Variants in ENPP2 observed in about 807,000 individuals in gnomAD.
ENPP2 encodes autotaxin.
ENPP2 carries 51 observed loss-of-function variants against 120.2 expected under a neutral mutation model. That is an observed-to-expected ratio of 0.42 (90% CI 0.34 to 0.54). The LOEUF is 0.54. Ranked by LOEUF, ENPP2 falls within the 20% of genes least tolerant of loss-of-function variation. The pLI, the probability that ENPP2 is intolerant of heterozygous loss-of-function variation, is 0.04. For missense variants in ENPP2, 920 were observed against 1,066.5 expected, an observed-to-expected ratio of 0.86 and a Z score of 1.91; for synonymous variants, 365 against 366.4, an observed-to-expected ratio of 1.00 and a Z score of 0.04.
intron 1 of ENPP2, among the ~76,000 whole-genome samples, chr8:119,653,084 A>G (rs1817670428): frequency 6.6e-6 from 1 of 152,154 alleles, no homozygotes; most frequent in South Asian, 2.1e-4. Flanking sequence ...CAGGAGGGGA[A>G]TGTTTCAGCT....
chr8:119,584,160 C>G, intron 15 of ENPP2, 111 bp from the exon 16 acceptor site: 1 of 704,910 alleles, frequency 1.4e-6, no homozygotes, highest in Non-Finnish European at 2.5e-6. Context: ...GAAAGTTTGC[C>G]TCTATTTTAA....
chr8:119,608,708 T>C (rs528740489), intron 8 of ENPP2, among the ~76,000 whole-genome samples: 1 of 152,312 alleles, frequency 6.6e-6, no homozygotes, highest in African/African-American at 2.4e-5. Flanking sequence ...ATGTAGTCCT[T>C]TGGCAAGTTA....
chr8:119,646,589 C>A (rs1326814911), intron 1 of ENPP2, among the ~76,000 whole-genome samples: 1 of 152,194 alleles, frequency 6.6e-6, no homozygotes, highest in African/African-American at 2.4e-5. Context: ...CACAGTTTAA[C>A]TGTGAGACCT....
At chr8:119,648,007 A>C (rs536662216) in intron 1 of ENPP2, among the ~76,000 whole-genome samples, 19 of 152,238 alleles carry the variant, frequency 1.2e-4, no homozygotes, top group East Asian at 7.7e-4. Context: ...TTCCATCCCC[A>C]AAAAAAGAAA....
chr8:119,595,570 T>C (rs1813825281), intron 11 of ENPP2, among the ~76,000 whole-genome samples: 3 of 152,178 alleles, frequency 2.0e-5, no homozygotes, highest in Admixed American at 2.0e-4. Context: ...AAGTGCACTC[T>C]TAATAGTCAC....
At chr8:119,660,890 CACA>C (rs890480818) in intron 1 of ENPP2, among the ~76,000 whole-genome samples, 4 of 152,120 alleles carry the variant, frequency 2.6e-5, no homozygotes, top group African/African-American at 9.7e-5. Flanking sequence ...AAGGCAGCCG[CACA>C]ACAAAGGAAA....
intron 17 of ENPP2, 54 bp from the exon 18 acceptor site, chr8:119,582,656 T>C: frequency 7.8e-7 from 1 of 1,283,768 alleles, no homozygotes; most frequent in Non-Finnish European, 1.1e-6. Flanking sequence ...TTTGATGAGA[T>C]ATGGTAAGAT....
At chr8:119,629,606 C>G (rs1293196267) in intron 2 of ENPP2, among the ~76,000 whole-genome samples, 1 of 152,154 alleles carries the variant, frequency 6.6e-6, no homozygotes, top group Non-Finnish European at 1.5e-5. Context: ...ATGTGAAACA[C>G]TTTTGCATGG....
intron 19 of ENPP2, among the ~76,000 whole-genome samples, chr8:119,577,593 T>C (rs1351836873): frequency 1.3e-5 from 2 of 152,248 alleles, no homozygotes; most frequent in African/African-American, 4.8e-5. Flanking sequence ...AGGAAATGCA[T>C]TGCACATAAT....
chr8:119,616,839 A>G (rs189924785), intron 7 of ENPP2, among the ~76,000 whole-genome samples: 186 of 152,354 alleles, frequency 1.2e-3, no homozygotes, highest in Middle Eastern at 6.8e-3. Flanking sequence ...CCTGAAAATT[A>G]AAATATAGCC....
chr8:119,572,521 T>C, intron 19 of ENPP2: 1 of 406,152 alleles, frequency 2.5e-6, no homozygotes, highest in Non-Finnish European at 4.5e-6. Context: ...AACGTAACAC[T>C]CTATTCCACA....
intron 24 of ENPP2, among the ~76,000 whole-genome samples, chr8:119,559,487 T>C (rs978199034): frequency 1.3e-5 from 2 of 152,222 alleles, no homozygotes; most frequent in Admixed American, 6.5e-5. Context: ...GCCAATTTCA[T>C]TGGAGAGGCA....
At chr8:119,616,019 CATAA>C (rs1234773724) in intron 8 of ENPP2, among the ~76,000 whole-genome samples, 1 of 151,264 alleles carries the variant, frequency 6.6e-6, no homozygotes, top group African/African-American at 2.4e-5. Context: ...TGTACACATA[CATAA>C]ATATATAATA....
chr8:119,635,533 T>C (rs932578782), intron 2 of ENPP2, among the ~76,000 whole-genome samples: 17 of 152,212 alleles, frequency 1.1e-4, no homozygotes, highest in African/African-American at 3.9e-4. Flanking sequence ...TGTAGACATA[T>C]AAAGTCTCTT....
chr8:119,635,718 T>C (rs1375916429), intron 2 of ENPP2, among the ~76,000 whole-genome samples: 1 of 152,250 alleles, frequency 6.6e-6, no homozygotes, highest in African/African-American at 2.4e-5. Flanking sequence ...GCTTTTCTCA[T>C]TTCATATCTC....
chr8:119,631,417 C>T (rs746665206), intron 2 of ENPP2, among the ~76,000 whole-genome samples: 12 of 151,622 alleles, frequency 7.9e-5, no homozygotes, highest in African/African-American at 1.9e-4. Flanking sequence ...CGGGTTTCAC[C>T]GTGTTAGCCA....
chr8:119,589,508 C>G (rs1563702608), intron 13 of ENPP2, among the ~76,000 whole-genome samples: 1 of 151,956 alleles, frequency 6.6e-6, no homozygotes, highest in Non-Finnish European at 1.5e-5. Context: ...TTGCATAGCC[C>G]TGAAGTGCAA....
chr8:119,620,453 C>A (rs558487929), intron 4 of ENPP2, among the ~76,000 whole-genome samples: 1 of 152,136 alleles, frequency 6.6e-6, no homozygotes, highest in Non-Finnish European at 1.5e-5. Flanking sequence ...TAATATAACA[C>A]CCTCTTGCCA....
At chr8:119,641,139 A>G (rs114143712), upstream of ENPP2, among the ~76,000 whole-genome samples, 2,236 of 152,310 alleles carry the variant, frequency 0.015, 61 homozygotes, top group African/African-American at 0.051. Context: ...GAACACATAC[A>G]CGCACACACA....
Sources: allele counts gnomAD v4.1 joint callset (sites outside exome capture counted in the v4.1 genomes callset), GRCh38; gene constraint gnomAD v4.1.1; transcripts MANE v1.5; gene names NCBI Gene and HGNC (gene_info 2026-07-23, HGNC 2026-07-21).